Variants in ARHGAP44 observed in about 807,000 individuals in gnomAD.
The protein encoded by ARHGAP44 is Rho GTPase activating protein 44, also known as rho GTPase-activating protein 44.
In ARHGAP44, 43 loss-of-function variants were observed where a neutral mutation model predicts 106.8. The observed-to-expected ratio is 0.40, with a 90% CI of 0.32 to 0.52. The LOEUF (loss-of-function observed/expected upper bound fraction) is 0.52. Ranked by LOEUF, ARHGAP44 falls within the 20% of genes least tolerant of loss-of-function variation. The probability of loss-of-function intolerance (pLI) is 0.48; values close to 1 mark genes in which losing one functional copy is unlikely to be tolerated. For synonymous variants in ARHGAP44, 439 were observed against 410.3 expected (o/e 1.07, Z -0.85); for missense variants, 866 against 1,050.5 (o/e 0.82, Z 2.43).
intron 6 of ARHGAP44, among the ~76,000 whole-genome samples, chr17:12,924,148 G>T (rs1406398555): frequency 2.0e-5 from 3 of 152,194 alleles, no homozygotes; most frequent in African/African-American, 7.2e-5. Context: ...TTGAACAATA[G>T]TCCCATGACT....
At chr17:12,818,470 T>C (rs988473283) in intron 1 of ARHGAP44, among the ~76,000 whole-genome samples, 1 of 151,888 alleles carries the variant, frequency 6.6e-6, no homozygotes, top group African/African-American at 2.4e-5. Context: ...GTAGTGGTGA[T>C]CCTAATCAGT....
At chr17:12,978,010 C>G (rs1265897915) in intron 18 of ARHGAP44, among the ~76,000 whole-genome samples, 3 of 102,494 alleles carry the variant, frequency 2.9e-5, no homozygotes, top group Non-Finnish European at 5.3e-5. Context: ...TATACTCCAG[C>G]TGGGCAACAG....
rs142467037 is a variant in ARHGAP44 at position 12,966,356 on chromosome 17, T to G, written c.1524-6946T>G. 4.7e-3 allele frequency among the ~76,000 whole-genome samples: 710 copies of G among 152,248 alleles called. 2 individuals carry two copies. The highest frequency in any genetic ancestry group is 0.014 in the African/African-American group (565 of 41,552). The stretch of plus-strand genomic sequence containing the variant: ...TGGTCCAGGCCCCTTATCAGCCTCC[T>G]CCCCTGGACTTAGACATTGTTGGAT... On this transcript the variant is annotated intron_variant, in intron 16 of 20. Transcript: ENST00000379672.
rs568478338 is a variant in ARHGAP44, at chr17:12,879,605, A to G, written c.54-15335A>G. Reference sequence around the variant, plus strand: ...TTGTTTTTAAGCAAAAAGTAGTAAAAACTTTAAAGAAGTGTTACAGTTAAA... The same window carrying G: ...TTGTTTTTAAGCAAAAAGTAGTAAAGACTTTAAAGAAGTGTTACAGTTAAA... On this transcript the variant is annotated intron_variant, in intron 1 of 20. Transcript: ENST00000379672. Among the ~76,000 whole-genome samples the G allele has an allele frequency of 3.3e-5, 5 of 151,734 alleles. No homozygotes were observed. The East Asian group carries it at 9.7e-4, about 29-fold the overall frequency.
chr17:12,841,154 T>G (rs2035378906), intron 1 of ARHGAP44, among the ~76,000 whole-genome samples: 1 of 152,182 alleles, frequency 6.6e-6, no homozygotes, highest in Non-Finnish European at 1.5e-5. Flanking sequence ...TTTTCCAGTT[T>G]GCACAGAGGC....
intron 3 of ARHGAP44, among the ~76,000 whole-genome samples, chr17:12,907,178 G>A (rs533961502): frequency 2.0e-5 from 3 of 152,262 alleles, no homozygotes; most frequent in Non-Finnish European, 2.9e-5. Context: ...TACCTTTGTA[G>A]CTACGTAGAC....
chr17:12,824,908 A>T (rs1390212865), intron 1 of ARHGAP44, among the ~76,000 whole-genome samples: 1 of 151,328 alleles, frequency 6.6e-6, no homozygotes, highest in Non-Finnish European at 1.5e-5. Flanking sequence ...TTTGGGGAAG[A>T]TTTTCCGTAG....
intron 1 of ARHGAP44, among the ~76,000 whole-genome samples, chr17:12,882,787 C>A (rs1461337787): frequency 2.0e-5 from 3 of 152,028 alleles, no homozygotes; most frequent in Admixed American, 2.0e-4. Flanking sequence ...ATTAATCAAA[C>A]TTTTTCATAA....
intron 5 of ARHGAP44, among the ~76,000 whole-genome samples, chr17:12,917,513 T>A (rs182291978): frequency 6.6e-6 from 1 of 152,132 alleles, no homozygotes; most frequent in East Asian, 1.9e-4. Flanking sequence ...GAATCCTCCT[T>A]CTTCCACCTG....
At chr17:12,934,284 A>T (rs952890829) in intron 7 of ARHGAP44, among the ~76,000 whole-genome samples, 12 of 152,094 alleles carry the variant, frequency 7.9e-5, no homozygotes, top group Non-Finnish European at 1.5e-4. Context: ...TTTGAAAGTC[A>T]AACTTGAGTC....
chr17:12,982,059 G>A (rs2039847181), intron 19 of ARHGAP44, among the ~76,000 whole-genome samples: 1 of 152,090 alleles, frequency 6.6e-6, no homozygotes, highest in African/African-American at 2.4e-5. Context: ...CAATACAGGG[G>A]TGATGGCTAA....
chr17:12,848,419 A>G (rs1231192324), intron 1 of ARHGAP44, among the ~76,000 whole-genome samples: 5 of 152,144 alleles, frequency 3.3e-5, no homozygotes, highest in Admixed American at 2.0e-4. Flanking sequence ...CTCAAGCCAC[A>G]TTGTCAGCAT....
intron 1 of ARHGAP44, among the ~76,000 whole-genome samples, chr17:12,805,457 A>G (rs1242184020): frequency 6.6e-6 from 1 of 152,184 alleles, no homozygotes; most frequent in Non-Finnish European, 1.5e-5. Context: ...TCCATGCTAA[A>G]TATGTGTCTG....
intron 1 of ARHGAP44, among the ~76,000 whole-genome samples, chr17:12,833,518 C>T (rs2035148320): frequency 6.6e-6 from 1 of 152,176 alleles, no homozygotes. Context: ...TGGATTACCA[C>T]CTGGTCCTGC....
chr17:12,983,745 G>T (rs186951080), intron 19 of ARHGAP44, among the ~76,000 whole-genome samples: 260 of 151,812 alleles, frequency 1.7e-3, no homozygotes, highest in African/African-American at 4.7e-3. Flanking sequence ...CGGAGGTTGT[G>T]GTGAGCGGCG....
At chr17:12,797,848 G>A (rs564496400) in intron 1 of ARHGAP44, among the ~76,000 whole-genome samples, 14 of 152,276 alleles carry the variant, frequency 9.2e-5, no homozygotes, top group Non-Finnish European at 1.6e-4. Flanking sequence ...AATAGGGCAT[G>A]TTTATTCCAA....
chr17:12,807,232 G>A (rs1303723373), intron 1 of ARHGAP44, among the ~76,000 whole-genome samples: 1 of 152,204 alleles, frequency 6.6e-6, no homozygotes, highest in Non-Finnish European at 1.5e-5. Context: ...GGAGGGCTGA[G>A]GAATAGTTCC....
At chr17:12,875,126 A>G (rs964583644) in intron 1 of ARHGAP44, among the ~76,000 whole-genome samples, 6 of 152,142 alleles carry the variant, frequency 3.9e-5, no homozygotes, top group African/African-American at 1.2e-4. Flanking sequence ...TAAAACACAG[A>G]TTGCTTGACC....
intron 3 of ARHGAP44, among the ~76,000 whole-genome samples, chr17:12,903,816 A>G (rs530613558): frequency 2.8e-4 from 42 of 152,260 alleles, no homozygotes; most frequent in Non-Finnish European, 1.5e-5. Context: ...AAGACTGGAT[A>G]TCATTATACT....
Sources: gnomAD v4.1 joint callset for allele counts (sites outside exome capture counted in the v4.1 genomes callset) on GRCh38, gnomAD v4.1.1 for gene constraint, MANE v1.5 for transcripts, NCBI Gene and HGNC (gene_info 2026-07-23, HGNC 2026-07-21) for gene names.